The following EXOC3L1 variants were observed in gnomAD, a reference collection of about 807,000 sequenced individuals.
EXOC3L1 encodes the protein exocyst complex component 3 like 1, also known as exocyst complex component 3-like protein.
A neutral mutation model predicts 83.6 loss-of-function variants in EXOC3L1; 79 were observed. The ratio of observed to expected loss-of-function variants is 0.95; its 90% CI spans 0.79 to 1.14. The LOEUF is 1.14. Among genes scored for constraint, EXOC3L1 ranks in the 50% most tolerant of loss-of-function variants. EXOC3L1 has a pLI of 0.00. For synonymous variants in EXOC3L1, 433 were observed against 451.2 expected (o/e 0.96, Z 0.51); for missense variants, 945 against 972.0 (o/e 0.97, Z 0.37).
At position 67,187,466 on chromosome 16, in the gene EXOC3L1, G is replaced by A. The variant is rs766691168; in HGVS notation, c.799C>T (p.Pro267Ser). Residue 267 changes from proline (P) to serine (S), a missense_variant, in exon 5 of 14, where the codon CCT (proline) becomes TCT (serine). Pro to Ser is a moderately conservative substitution (Grantham distance 74). Transcript: ENST00000314586. ...EQAHFGSPLL[P>S]APGALPGWLE... ...CACCCTGGTAGGGCCCCTGGTGCAG[G>A]CAGCAGAGGTGACCCAAAGTGGGCC... is the stretch of plus-strand genomic sequence containing the variant. The A allele has an allele frequency of 3.7e-6, 6 of 1,607,474 alleles. No individual in the cohort carries two copies. In the East Asian group the frequency reaches 1.3e-4, roughly 36 times the overall value.
intron 9 of EXOC3L1, chr16:67,185,709 C>G (rs1010190125): frequency 5.2e-6 from 3 of 579,258 alleles, no homozygotes; most frequent in Non-Finnish European, 9.2e-6. Flanking sequence ...GCCTCAAATT[C>G]GCGGTGCGTC....
In EXOC3L1 at chr16:67,188,934, T is replaced by A; in HGVS notation, c.214A>T (p.Met72Leu). Residue 72 changes from methionine to leucine, a missense_variant, in exon 4 of 14, where the codon ATG becomes TTG. By Grantham distance (15) the Met-to-Leu change is conservative (BLOSUM62 2). Transcript: ENST00000314586. Reference protein sequence around the residue: ...CSLESRLKSVMQSYLEGVQTG... With the variant: ...CSLESRLKSVLQSYLEGVQTG... ...TGCACGCCTTCCAGGTATGACTGCA[T>A]CACTGACTGTGGAAAGATGGAGCCA... The A allele has an allele frequency of 1.2e-6, 2 of 1,612,644 alleles. No homozygotes were observed. Among genetic ancestry groups the A allele is most frequent in the Non-Finnish European group, 1.7e-6 (2 of 1,179,696 alleles).
At chr16:67,189,260 A>T (rs1177711215) in intron 2 of EXOC3L1, 80 bp from the exon 3 acceptor site, 2 of 1,262,514 alleles carry the variant, frequency 1.6e-6, no homozygotes, top group Non-Finnish European at 2.1e-6. Flanking sequence ...TTATTTATTT[A>T]TTTATTTATT....
rs2032758825 is a variant in EXOC3L1 at position 67,187,374 on chromosome 16, G to A, written c.891C>T (p.Cys297=). 6.2e-7 allele frequency: 1 copy of A among 1,612,616 alleles called. No individual in the cohort carries two copies. The change falls in exon 5 of 14, where the codon TGC becomes TGT. Residue 297 remains cysteine (C), a synonymous_variant. Transcript: ENST00000314586. ...LATAEALVAP[C]CPPQYNVVQL... The stretch of plus-strand genomic sequence containing the variant: ...GGACCACGTTGTACTGTGGCGGGCA[G>A]CAAGGCGCTACTAGTGCCTCAGCTG...
chr16:67,185,585 G>T, intron 9 of EXOC3L1, 95 bp from the exon 10 acceptor site: 1 of 1,187,030 alleles, frequency 8.4e-7, no homozygotes. Flanking sequence ...TGGGGCAAGT[G>T]TTTGACGGGA....
At chr16:67,188,575 C>T (rs1032462629) in intron 4 of EXOC3L1, 146 bp downstream of exon 4, 28 of 740,430 alleles carry the variant, frequency 3.8e-5, no homozygotes, top group Non-Finnish European at 6.0e-5. Context: ...GCCTCATAGG[C>T]CATGGGAAGC....
intron 5 of EXOC3L1, 30 bp downstream of exon 5, chr16:67,187,195 C>T: frequency 8.7e-6 from 14 of 1,610,228 alleles, no homozygotes; most frequent in Non-Finnish European, 1.1e-5. Flanking sequence ...CCTCTGATCC[C>T]CCATGTCCCG....
chr16:67,186,242 T>A lies in EXOC3L1; in HGVS notation c.1491A>T (p.Ala497=), dbSNP rs1459933683. The part of the protein sequence containing the change: ...YLLAALNHKS[A]LSSSVSVLQL... Reference sequence around the variant, plus strand: ...CCCTGGGGGCCTTCTGGTACCTGAGTGCTGACTTGTGGTTGAGGGCGGCCA... The same window carrying A: ...CCCTGGGGGCCTTCTGGTACCTGAGAGCTGACTTGTGGTTGAGGGCGGCCA... Residue 497 remains alanine, a synonymous_variant, in exon 9 of 14, where the codon GCA becomes GCT. Coordinates refer to ENST00000314586, the MANE Select transcript of EXOC3L1 (RefSeq NM_178516.4). The A allele has an allele frequency of 2.6e-6, 4 of 1,568,506 alleles. No homozygotes were observed. The highest frequency in any genetic ancestry group is 3.5e-6 in the Non-Finnish European group (4 of 1,155,630).
Position 67,187,455 on chromosome 16 carries a change from C to T in EXOC3L1, c.810G>A (p.Gly270=). The change falls in exon 5 of 14, where the codon GGG becomes GGA. Residue 270 remains glycine (G), a synonymous_variant. Coordinates refer to ENST00000314586, the MANE Select transcript of EXOC3L1 (RefSeq NM_178516.4). ...GAGCCTCCAGCCACCCTGGTAGGGC[C>T]CCTGGTGCAGGCAGCAGAGGTGACC... ...HFGSPLLPAP[G]ALPGWLEALR... is the part of the protein sequence containing the mutation. 2 of 1,609,060 alleles carry T rather than the reference C, an allele frequency of 1.2e-6. No individual in the cohort carries two copies. The highest frequency in any genetic ancestry group is 2.7e-5 in the African/African-American group (2 of 75,034).
chr16:67,187,954 G>A (rs1260188277), intron 4 of EXOC3L1, 117 bp from the exon 5 acceptor site: 15 of 1,376,470 alleles, frequency 1.1e-5, no homozygotes, highest in Non-Finnish European at 1.5e-5. Flanking sequence ...TTAACAACCA[G>A]TAGAGTAAGC....
chr16:67,187,855 G>A lies in EXOC3L1; in HGVS notation c.428-18C>T, dbSNP rs1156265995. 1 of 1,558,510 alleles carries A rather than the reference G, an allele frequency of 6.4e-7. No homozygotes were observed. Among genetic ancestry groups the A allele is most frequent in the Non-Finnish European group, 8.7e-7 (1 of 1,148,992 alleles). On this transcript the variant is annotated intron_variant, in intron 4 of 13. Transcript: ENST00000314586. ...AGCCGGCACTAATGAGAGTGAAAAG[G>A]AGACGGCCCTGGGTCTCAGCCTTCC...
Position 67,187,104 on chromosome 16 carries a change from C to T in EXOC3L1, c.1075G>A (p.Glu359Lys). The T allele has an allele frequency of 2.5e-6, 4 of 1,613,596 alleles. No individual in the cohort carries two copies. Among genetic ancestry groups the T allele is most frequent in the Non-Finnish European group, 3.4e-6 (4 of 1,180,006 alleles). Reference protein sequence around the residue: ...EMMGSLELGPEADVSQLEPLL... With the variant: ...EMMGSLELGPKADVSQLEPLL... Reference sequence around the variant, plus strand: ...GGCTCCAGCTGGGACACATCAGCCTCAGGCCCCAACTCCAGGCTCCCCATC... The same window carrying T: ...GGCTCCAGCTGGGACACATCAGCCTTAGGCCCCAACTCCAGGCTCCCCATC... Residue 359 changes from glutamate (E) to lysine (K), a missense_variant, in exon 6 of 14, where the codon GAG (glutamate) becomes AAG (lysine). Glu to Lys is a moderately conservative substitution (Grantham distance 56). Transcript: ENST00000314586.
At chr16:67,188,614 GTGC>G (rs2032795382) in intron 4 of EXOC3L1, 104 bp downstream of exon 4, 1 of 1,082,438 alleles carries the variant, frequency 9.2e-7, no homozygotes, top group Non-Finnish European at 1.3e-6. Flanking sequence ...GGTCCCTGGT[GTGC>G]TGCTCTATGC....
chr16:67,185,565 C>G, intron 9 of EXOC3L1, 75 bp from the exon 10 acceptor site: 1 of 1,406,554 alleles, frequency 7.1e-7, no homozygotes, highest in Non-Finnish European at 9.9e-7. Context: ...GACCCTCCGG[C>G]GCCACCTTGT....
chr16:67,189,944 C>T (rs2032837599), intron 1 of EXOC3L1, 27 bp downstream of exon 1: 2 of 545,000 alleles, frequency 3.7e-6, no homozygotes, highest in Admixed American at 3.2e-5. Context: ...CTCTGAGCTG[C>T]ACAGGACAGT....
Position 67,184,604 on chromosome 16 carries a change from G to A in EXOC3L1, c.2031C>T (p.Ser677=), listed in dbSNP as rs773212994. Residue 677 remains serine (S), a splice_region_variant and synonymous_variant, in exon 14 of 14, where the codon AGC becomes AGT. Transcript: ENST00000314586. ...AGLRQQFPDV[S]EDHVSALLGL... ...CCAAGAGGGCGGAGACGTGGTCCTC[G>A]CTGCAGGGGCACCAAGGAGGCGCGT... 126 of 1,583,430 alleles carry A rather than the reference G, an allele frequency of 8.0e-5. No individual in the cohort carries two copies. Among genetic ancestry groups the A allele is most frequent in the Non-Finnish European group, 9.6e-5 (112 of 1,170,754 alleles).
chr16:67,185,148 G>C lies in EXOC3L1; in HGVS notation c.1737C>G (p.Asn579Lys). 6.2e-7 allele frequency: 1 copy of C among 1,613,280 alleles called. No individual in the cohort carries two copies. The highest frequency in any genetic ancestry group is 1.1e-5 in the South Asian group (1 of 91,082). Reference protein sequence around the residue: ...RFCRDFWRVRNPTVQLLLAEA... With the variant: ...RFCRDFWRVRKPTVQLLLAEA... The stretch of plus-strand genomic sequence containing the variant: ...TCCCCCAACCCACCTGAACCGTGGG[G>C]TTCCGCACGCGCCAGAAGTCCCGGC... Residue 579 changes from asparagine (N) to lysine (K), a missense_variant, in exon 11 of 14, where the codon AAC becomes AAG. Asn to Lys is a moderately conservative substitution (Grantham distance 94). Transcript: ENST00000314586.
Position 67,187,131 on chromosome 16 carries a change from T to C in EXOC3L1, c.1048A>G (p.Met350Val). ...GGCCCCAACTCCAGGCTCCCCATCA[T>C]TTCCTGCCTGGAGATAGGTGGCCTG... ...WALHVYLGQEMMGSLELGPEA... is the reference protein window; with the variant it reads ...WALHVYLGQEVMGSLELGPEA... The change falls in exon 6 of 14, where the codon ATG (methionine) becomes GTG (valine). Residue 350 changes from methionine (M) to valine (V), a missense_variant. Coordinates refer to ENST00000314586, the MANE Select transcript of EXOC3L1 (RefSeq NM_178516.4). 6.2e-7 allele frequency: 1 copy of C among 1,613,104 alleles called. No homozygotes were observed. The highest frequency in any genetic ancestry group is 8.5e-7 in the Non-Finnish European group (1 of 1,179,902).
In EXOC3L1 at chr16:67,186,648, C is replaced by G. The variant is rs149152216; in HGVS notation, c.1294G>C (p.Glu432Gln). Residue 432 changes from glutamate to glutamine, a missense_variant, in exon 8 of 14, where the codon GAG becomes CAG. Transcript: ENST00000314586. ...MPAIVLQILE[E>Q]NIRVASLVSE... ...ACCAGGCTGGCCACACGAATGTTCT[C>G]TTCCAGGATCTGCAGGCAGAAATGA... The G allele has an allele frequency of 6.2e-7, 1 of 1,613,990 alleles. No homozygotes were observed. The highest frequency in any genetic ancestry group is 8.5e-7 in the Non-Finnish European group (1 of 1,179,998).
Sources: allele counts gnomAD v4.1 joint callset, GRCh38; gene constraint gnomAD v4.1.1; transcripts MANE v1.5; gene names NCBI Gene and HGNC (gene_info 2026-07-23, HGNC 2026-07-21).